CTNNA1: variants seen among roughly 807,000 people sequenced by gnomAD.
The protein encoded by CTNNA1 is catenin alpha 1.
In CTNNA1, 37 loss-of-function variants were observed where a neutral mutation model predicts 98.4. The ratio of observed to expected loss-of-function variants is 0.38; its 90% CI spans 0.29 to 0.49. The LOEUF (loss-of-function observed/expected upper bound fraction) is 0.49. Among genes scored for constraint, CTNNA1 ranks in the 20% least tolerant of loss-of-function variants. The pLI is 0.95. For synonymous variants in CTNNA1, 404 were observed against 413.2 expected (o/e 0.98, Z 0.27); for missense variants, 761 against 1,147.2 (o/e 0.66, Z 4.86).
chr5:138,755,958 A>G (rs1476287537), intron 1 of CTNNA1, among the ~76,000 whole-genome samples: 1 of 135,950 alleles, frequency 7.4e-6, no homozygotes, highest in Non-Finnish European at 1.5e-5. Context: ...CCTCCTGGGG[A>G]TTCAAGCGAT....
At chr5:138,875,880 C>T in intron 7 of CTNNA1, 1 of 247,670 alleles carries the variant, frequency 4.0e-6, no homozygotes, top group Non-Finnish European at 6.4e-6. Context: ...TCATCAAGAG[C>T]TTAACATTAT....
chr5:138,777,447 A>G (rs1227955467), intron 1 of CTNNA1, among the ~76,000 whole-genome samples: 2 of 151,946 alleles, frequency 1.3e-5, no homozygotes, highest in South Asian at 2.1e-4. Flanking sequence ...CTCACTTCCC[A>G]GACGGGGTGG....
chr5:138,908,190 G>A (rs1403905632), intron 10 of CTNNA1, among the ~76,000 whole-genome samples: 1 of 152,034 alleles, frequency 6.6e-6, no homozygotes, highest in Non-Finnish European at 1.5e-5. Context: ...TGTTGGTCAG[G>A]CTGATCCCAC....
intron 9 of CTNNA1, among the ~76,000 whole-genome samples, chr5:138,890,525 T>C (rs1381888967): frequency 6.6e-6 from 1 of 152,162 alleles, no homozygotes; most frequent in Non-Finnish European, 1.5e-5. Flanking sequence ...ACCAGCCAAA[T>C]GAGGAGACAC....
At chr5:138,809,985 ATCAGTTATTTGAGT>A (rs1758506416) in intron 3 of CTNNA1, 39 bp from the exon 4 acceptor site, 8 of 1,542,000 alleles carry the variant, frequency 5.2e-6, no homozygotes, top group Non-Finnish European at 7.1e-6. Context: ...AAAAATGTAG[ATCAGTTATTTGAGT>A]TCATTCTTGC....
chr5:138,798,529 A>G (rs1757206424), intron 3 of CTNNA1, among the ~76,000 whole-genome samples: 1 of 152,188 alleles, frequency 6.6e-6, no homozygotes, highest in South Asian at 2.1e-4. Context: ...TTCCAAGCCT[A>G]TCCTTTCCCC....
At chr5:138,916,642 C>T (rs1329661044) in intron 10 of CTNNA1, among the ~76,000 whole-genome samples, 1 of 152,056 alleles carries the variant, frequency 6.6e-6, no homozygotes, top group African/African-American at 2.4e-5. Context: ...CCCACTTTGG[C>T]CTCTCAAGTA....
At chr5:138,777,844 C>G (rs1001951359) in intron 1 of CTNNA1, among the ~76,000 whole-genome samples, 1 of 139,472 alleles carries the variant, frequency 7.2e-6, no homozygotes, top group Non-Finnish European at 1.5e-5. Flanking sequence ...AGTGGGAGAC[C>G]GTGGAAAGAG....
chr5:138,816,549 C>T (rs1488337160), intron 5 of CTNNA1, among the ~76,000 whole-genome samples: 8 of 152,092 alleles, frequency 5.3e-5, no homozygotes, highest in Non-Finnish European at 7.4e-5. Flanking sequence ...TTTTTCCTTT[C>T]GTTTTGCTAA....
chr5:138,899,888 T>G (rs1208607507), intron 9 of CTNNA1, among the ~76,000 whole-genome samples: 1 of 152,246 alleles, frequency 6.6e-6, no homozygotes, highest in Non-Finnish European at 1.5e-5. Context: ...CAGATTTTGG[T>G]AAGTTTACAG....
At chr5:138,881,008 A>T (rs1473548245) in intron 7 of CTNNA1, 2 of 454,334 alleles carry the variant, frequency 4.4e-6, no homozygotes, top group African/African-American at 4.0e-5. Context: ...GCCCAAAGAG[A>T]ACAAGATCAT....
intron 1 of CTNNA1, among the ~76,000 whole-genome samples, chr5:138,765,622 A>T (rs1752843838): frequency 6.6e-6 from 1 of 152,134 alleles, no homozygotes. Context: ...GAAATTTATG[A>T]ACTCAGGAGA....
chr5:138,929,224 G>A, intron 13 of CTNNA1, 22 bp from the exon 14 acceptor site: 1 of 1,337,332 alleles, frequency 7.5e-7, no homozygotes, highest in Non-Finnish European at 1.1e-6. Flanking sequence ...TGTCTGACCT[G>A]TGATCTTTGT....
intron 1 of CTNNA1, among the ~76,000 whole-genome samples, chr5:138,766,005 T>G (rs1752901128): frequency 6.6e-6 from 1 of 150,784 alleles, no homozygotes; most frequent in East Asian, 1.9e-4. Flanking sequence ...TAATCTGTCA[T>G]GAGAGATGTT....
At chr5:138,925,224 C>G (rs755556044) in intron 12 of CTNNA1, 32 bp from the exon 13 acceptor site, 1 of 1,604,752 alleles carries the variant, frequency 6.2e-7, no homozygotes. Flanking sequence ...TGCCTGCTGA[C>G]CAGGGTATCT....
At chr5:138,765,332 C>T (rs1580876000) in intron 1 of CTNNA1, among the ~76,000 whole-genome samples, 1 of 151,950 alleles carries the variant, frequency 6.6e-6, no homozygotes, top group Non-Finnish European at 1.5e-5. Flanking sequence ...TGAGCCACCG[C>T]GCCCGGCCCC....
chr5:138,916,896 T>C (rs1349286098), intron 10 of CTNNA1, among the ~76,000 whole-genome samples: 1 of 152,112 alleles, frequency 6.6e-6, no homozygotes, highest in Admixed American at 6.5e-5. Flanking sequence ...TGCCTCAGCC[T>C]CCTGAGTAGC....
At chr5:138,857,129 TC>T (rs1763798095) in intron 7 of CTNNA1, among the ~76,000 whole-genome samples, 1 of 152,176 alleles carries the variant, frequency 6.6e-6, no homozygotes, top group African/African-American at 2.4e-5. Context: ...TTTCTTTATC[TC>T]CCTTAACAGC....
intron 7 of CTNNA1, among the ~76,000 whole-genome samples, chr5:138,879,677 C>T (rs923608529): frequency 4.6e-5 from 7 of 152,082 alleles, no homozygotes; most frequent in African/African-American, 1.4e-4. Context: ...AGGCTGGTCT[C>T]GAACTCTTGG....
Sources: gnomAD v4.1 joint callset for allele counts (sites outside exome capture counted in the v4.1 genomes callset) on GRCh38, gnomAD v4.1.1 for gene constraint, MANE v1.5 for transcripts, NCBI Gene and HGNC (gene_info 2026-07-23, HGNC 2026-07-21) for gene names.